The following TBCD variants were observed in gnomAD, a reference collection of about 807,000 sequenced individuals.
TBCD encodes the protein tubulin-specific chaperone D.
A neutral mutation model predicts 169.3 loss-of-function variants in TBCD; 105 were observed. The observed-to-expected ratio is 0.62, with a 90% CI of 0.53 to 0.73. The LOEUF is 0.73. Among genes scored for constraint, TBCD ranks in the 30% least tolerant of loss-of-function variants. The pLI, the probability that TBCD is intolerant of heterozygous loss-of-function variation, is 0.00. For missense variants in TBCD, 1,444 were observed against 1,600.1 expected, an observed-to-expected ratio of 0.90 and a Z score of 1.66; for synonymous variants, 700 against 643.9, an observed-to-expected ratio of 1.09 and a Z score of -1.32.
intron 29 of TBCD, among the ~76,000 whole-genome samples, chr17:82,927,556 C>T (rs972421485): frequency 1.6e-4 from 24 of 152,164 alleles, no homozygotes; most frequent in African/African-American, 5.6e-4. Context: ...GTGTCGTCCT[C>T]GTTGACAGGG....
intron 7 of TBCD, among the ~76,000 whole-genome samples, chr17:82,793,856 T>C (rs898385790): frequency 3.0e-4 from 46 of 152,084 alleles, no homozygotes; most frequent in African/African-American, 1.0e-3. Context: ...ACGGATGCGA[T>C]TGGTTGCTTC....
chr17:82,831,334 T>C lies in TBCD; in HGVS notation c.1318+16400T>C, dbSNP rs1300666167. 1.2e-6 allele frequency: 2 copies of C among 1,613,776 alleles called. No homozygotes were observed. The highest frequency in any genetic ancestry group is 2.7e-5 in the African/African-American group (2 of 74,850). On this transcript the variant is annotated intron_variant, in intron 13 of 38. Transcript: ENST00000355528. The surrounding 1 kb of genome is among the most constrained non-coding windows in gnomAD (Gnocchi z 4.6). The stretch of plus-strand genomic sequence containing the variant: ...AGGAATTGGACTTTCGAACTCGACG[T>C]GTTTTCTGTTGGGGTCCGAAGGGTT...
chr17:82,798,800 A>T (rs928655150), intron 8 of TBCD, among the ~76,000 whole-genome samples: 1 of 152,118 alleles, frequency 6.6e-6, no homozygotes, highest in African/African-American at 2.4e-5. Flanking sequence ...CCCAGGCTGG[A>T]ATACATGACA....
chr17:82,822,716 A>G (rs1056708131), intron 13 of TBCD, among the ~76,000 whole-genome samples: 11 of 152,256 alleles, frequency 7.2e-5, no homozygotes, highest in African/African-American at 2.7e-4. Flanking sequence ...CTGTGAAGAA[A>G]GAGAAAAGGA....
chr17:82,822,943 G>C (rs2052531702), intron 13 of TBCD, among the ~76,000 whole-genome samples: 2 of 152,206 alleles, frequency 1.3e-5, no homozygotes. Flanking sequence ...CACTGGCATG[G>C]GGAGGTGGAG....
chr17:82,901,108 G>T (rs555183909), intron 18 of TBCD, among the ~76,000 whole-genome samples: 1 of 152,236 alleles, frequency 6.6e-6, no homozygotes, highest in Admixed American at 6.5e-5. Context: ...TGGTTTCTGC[G>T]CTGTCTCCTG....
chr17:82,872,985 A>G (rs567694296), intron 14 of TBCD, among the ~76,000 whole-genome samples: 89 of 110,254 alleles, frequency 8.1e-4, no homozygotes, highest in African/African-American at 2.8e-3. Flanking sequence ...CAGGCCCGGC[A>G]CCTCGTGGCC....
chr17:82,896,744 G>A (rs1306513511), intron 17 of TBCD, among the ~76,000 whole-genome samples: 7 of 152,166 alleles, frequency 4.6e-5, no homozygotes, highest in Admixed American at 4.6e-4. Context: ...CCTTGCAGGT[G>A]TGAGCCACCA....
At chr17:82,807,728 C>T (rs1431043635) in intron 11 of TBCD, 60 bp downstream of exon 11, 2 of 1,308,194 alleles carry the variant, frequency 1.5e-6, no homozygotes, top group African/African-American at 3.1e-5. Context: ...CTGTGCGATT[C>T]AGCAGCTACA....
chr17:82,926,824 C>T (rs959088824), intron 28 of TBCD: 6 of 500,404 alleles, frequency 1.2e-5, no homozygotes, highest in East Asian at 3.6e-5. Flanking sequence ...CCTGGGGCCA[C>T]GCCATATGCC....
Position 82,930,511 on chromosome 17 carries a change from C to T in TBCD, c.2992-11C>T, listed in dbSNP as rs542538604. 23 of 1,611,716 alleles carry T rather than the reference C, an allele frequency of 1.4e-5. No individual in the cohort carries two copies. In the East Asian group the frequency reaches 4.9e-4, roughly 34 times the overall value. On this transcript the variant is annotated splice_polypyrimidine_tract_variant and intron_variant, in intron 32 of 38. Coordinates refer to ENST00000355528, the MANE Select transcript of TBCD (RefSeq NM_005993.5). This position sits in a 1 kb window ranked among gnomAD's most constrained non-coding sequence, Gnocchi z 5.2. ...GGTCCCACTGCCTTCTGAGGTGTCT[C>T]CGTGTTGCAGATCCGGCACTCCACC...
intron 13 of TBCD, chr17:82,829,962 G>T: frequency 3.0e-6 from 3 of 1,001,444 alleles, no homozygotes; most frequent in Non-Finnish European, 4.3e-6. Context: ...TAATATTCAT[G>T]CTTAATATTT....
In TBCD at chr17:82,831,329, C is replaced by T. The variant is rs377096198; in HGVS notation, c.1318+16395C>T. The T allele has an allele frequency of 8.7e-6, 14 of 1,613,908 alleles. No homozygotes were observed. In the African/African-American group the frequency reaches 1.3e-4, roughly 15 times the overall value. ...GCCTCAGGAATTGGACTTTCGAACT[C>T]GACGTGTTTTCTGTTGGGGTCCGAA... On this transcript the variant is annotated intron_variant, in intron 13 of 38. Coordinates refer to ENST00000355528, the MANE Select transcript of TBCD (RefSeq NM_005993.5). The surrounding 1 kb of genome is among the most constrained non-coding windows in gnomAD (Gnocchi z 4.6).
intron 19 of TBCD, among the ~76,000 whole-genome samples, chr17:82,905,002 C>T (rs2060134658): frequency 6.6e-6 from 1 of 152,228 alleles, no homozygotes; most frequent in African/African-American, 2.4e-5. Context: ...ATTCTCAAAC[C>T]ATCGCAAGCC....
chr17:82,923,803 C>G lies in TBCD; in HGVS notation c.2260+70C>G. The G allele has an allele frequency of 7.5e-7, 1 of 1,339,994 alleles. No individual in the cohort carries two copies. The highest frequency in any genetic ancestry group is 1.0e-6 in the Non-Finnish European group (1 of 968,662). The allele number at this position is 1,339,994 out of a possible 1,614,324, so 83.0% of individuals were successfully genotyped here. A position where few individuals can be genotyped will look rare whatever the true frequency, so the allele number is the denominator to read the frequency against. Reference sequence around the variant, plus strand: ...AGGAAGCTGCTGGGGAGTGTCTGGGCACGGAGGAGGCCTCGGTTGTGCAGT... The same window carrying G: ...AGGAAGCTGCTGGGGAGTGTCTGGGGACGGAGGAGGCCTCGGTTGTGCAGT... On this transcript the variant is annotated intron_variant, in intron 26 of 38. Transcript: ENST00000355528. This position sits in a 1 kb window ranked among gnomAD's most constrained non-coding sequence, Gnocchi z 4.6.
At chr17:82,804,952 C>T (rs1425162641) in intron 9 of TBCD, among the ~76,000 whole-genome samples, 1 of 152,216 alleles carries the variant, frequency 6.6e-6, no homozygotes, top group Non-Finnish European at 1.5e-5. Context: ...TCTGGTTCTG[C>T]CGCCAAAGCC....
intron 13 of TBCD, among the ~76,000 whole-genome samples, chr17:82,850,218 C>T (rs1229697763): frequency 2.2e-5 from 3 of 137,308 alleles, no homozygotes; most frequent in East Asian, 2.1e-4. Context: ...GTTGGCTGTG[C>T]TGCTGTTGGC....
chr17:82,910,275 G>T (rs2060534073), intron 22 of TBCD, among the ~76,000 whole-genome samples: 1 of 152,172 alleles, frequency 6.6e-6, no homozygotes. Flanking sequence ...GGTGTGGTCG[G>T]CTCTGAACGT....
chr17:82,874,622 G>A lies in TBCD; in HGVS notation c.1475+4242G>A, dbSNP rs557695963. On this transcript the variant is annotated intron_variant, in intron 14 of 38. Transcript: ENST00000355528. This position sits in a 1 kb window ranked among gnomAD's most constrained non-coding sequence, Gnocchi z 5.0. ...CCTGGGTGTCAGGCTTGTCCAACGG[G>A]TTCTTAGAGAACCTGGGCCCCATCC... is the stretch of plus-strand genomic sequence containing the variant. Among the ~76,000 whole-genome samples, 35 of 152,174 alleles carry A rather than the reference G, an allele frequency of 2.3e-4. No individual in the cohort carries two copies. Among genetic ancestry groups the A allele is most frequent in the Non-Finnish European group, 4.4e-4 (30 of 68,034 alleles).
Sources: gnomAD v4.1 joint callset for allele counts (sites outside exome capture counted in the v4.1 genomes callset) on GRCh38, gnomAD v4.1.1 for gene constraint, Gnocchi (gnomAD v3.1) non-coding constraint, MANE v1.5 for transcripts, NCBI Gene and HGNC (gene_info 2026-07-23, HGNC 2026-07-21) for gene names.